TMEFF2: variants seen among roughly 807,000 people sequenced by gnomAD.
The protein encoded by TMEFF2 is tomoregulin-2.
In TMEFF2, 28 loss-of-function variants were observed where a neutral mutation model predicts 53.8. The observed-to-expected ratio is 0.52, with a 90% CI of 0.39 to 0.71. TMEFF2 has a LOEUF of 0.71. Among genes scored for constraint, TMEFF2 ranks in the 30% least tolerant of loss-of-function variants. The pLI is 0.00. For missense variants in TMEFF2, 353 were observed against 455.2 expected, an observed-to-expected ratio of 0.78 and a Z score of 2.04; for synonymous variants, 162 against 166.3, an observed-to-expected ratio of 0.97 and a Z score of 0.20.
intron 4 of TMEFF2, chr2:192,178,609 G>A (rs1368796286): frequency 1.3e-5 from 2 of 150,940 alleles, no homozygotes; most frequent in African/African-American, 4.8e-5. Flanking sequence ...CTCTAATTAT[G>A]TTCTGTGGGT....
intron 3 of TMEFF2, among the ~76,000 whole-genome samples, chr2:192,181,398 T>C (rs1691180969): frequency 6.6e-6 from 1 of 151,824 alleles, no homozygotes; most frequent in Admixed American, 6.6e-5. Flanking sequence ...TATAAACTTC[T>C]TTAAGTCAAG....
At chr2:192,187,011 G>A (rs1162862762) in intron 2 of TMEFF2, among the ~76,000 whole-genome samples, 1 of 152,140 alleles carries the variant, frequency 6.6e-6, no homozygotes, top group African/African-American at 2.4e-5. Flanking sequence ...AGCCAAAAGG[G>A]AGATTTCTAC....
chr2:192,078,492 C>G (rs1688483291), intron 4 of TMEFF2, among the ~76,000 whole-genome samples: 1 of 152,076 alleles, frequency 6.6e-6, no homozygotes, highest in African/African-American at 2.4e-5. Context: ...ATCTGGACAG[C>G]AATAGAGAGT....
At chr2:192,139,465 G>A (rs771263715) in intron 4 of TMEFF2, among the ~76,000 whole-genome samples, 52 of 152,270 alleles carry the variant, frequency 3.4e-4, no homozygotes, top group Non-Finnish European at 6.8e-4. Context: ...AATGAATGTA[G>A]CAGTCCAAAC....
chr2:192,004,679 C>T (rs1686456455), intron 5 of TMEFF2, among the ~76,000 whole-genome samples: 1 of 152,128 alleles, frequency 6.6e-6, no homozygotes, highest in South Asian at 2.1e-4. Context: ...TAGCAATTAT[C>T]ATATAATGTA....
chr2:192,011,562 T>C (rs774681349), intron 5 of TMEFF2, among the ~76,000 whole-genome samples: 30 of 152,264 alleles, frequency 2.0e-4, no homozygotes, highest in Non-Finnish European at 3.7e-4. Context: ...AAATGTAGAC[T>C]TTTCTTTCAA....
At chr2:191,985,094 A>C (rs147308754) in intron 7 of TMEFF2, among the ~76,000 whole-genome samples, 238 of 152,248 alleles carry the variant, frequency 1.6e-3, no homozygotes, top group African/African-American at 5.4e-3. Flanking sequence ...AAAAACACTT[A>C]GAATGAGGCA....
intron 4 of TMEFF2, among the ~76,000 whole-genome samples, chr2:192,159,503 A>G (rs759431735): frequency 3.9e-5 from 6 of 152,176 alleles, no homozygotes; most frequent in Non-Finnish European, 8.8e-5. Flanking sequence ...CCAAAAGAAT[A>G]GCATGAAACT....
At chr2:191,971,481 C>T (rs1692637145) in intron 7 of TMEFF2, among the ~76,000 whole-genome samples, 1 of 152,144 alleles carries the variant, frequency 6.6e-6, no homozygotes, top group East Asian at 1.9e-4. Flanking sequence ...CGAAATATGA[C>T]ATTGATAAAT....
chr2:192,070,393 C>G lies in TMEFF2; in HGVS notation c.440-12618G>C, dbSNP rs1362955315. ...TAAGATTATGCCTCAGTTTAGAAGC[C>G]AATGAGGTATTTCTAATAACTATGA... is the stretch of plus-strand genomic sequence containing the variant. On this transcript the variant is annotated intron_variant, in intron 4 of 9. Transcript: ENST00000272771. 3.3e-5 allele frequency among the ~76,000 whole-genome samples: 5 copies of G among 151,570 alleles called. No homozygotes were observed. The East Asian group carries it at 9.7e-4, about 29-fold the overall frequency.
intron 4 of TMEFF2, among the ~76,000 whole-genome samples, chr2:192,080,379 C>G (rs987503003): frequency 3.3e-5 from 5 of 152,188 alleles, no homozygotes; most frequent in Admixed American, 1.3e-4. Context: ...TCCCGCTTTG[C>G]TGAGCACTTC....
At chr2:192,126,209 T>A (rs1050812276) in intron 4 of TMEFF2, among the ~76,000 whole-genome samples, 3 of 152,194 alleles carry the variant, frequency 2.0e-5, no homozygotes, top group Non-Finnish European at 4.4e-5. Flanking sequence ...TATTTTAAAA[T>A]CTTTGCTCAT....
intron 4 of TMEFF2, among the ~76,000 whole-genome samples, chr2:192,129,149 G>GA (rs1559138422): frequency 6.6e-6 from 1 of 152,098 alleles, no homozygotes; most frequent in Admixed American, 6.5e-5. Context: ...GCCCAAGGCT[G>GA]AAAAAATGAC....
At chr2:192,057,588 C>A in intron 5 of TMEFF2, 91 bp downstream of exon 5, 1 of 1,114,504 alleles carries the variant, frequency 9.0e-7, no homozygotes, top group Non-Finnish European at 1.4e-6. Flanking sequence ...AAAATGCAGA[C>A]AATGTCTTCT....
intron 4 of TMEFF2, among the ~76,000 whole-genome samples, chr2:192,069,964 A>G (rs1236288906): frequency 6.0e-4 from 52 of 86,608 alleles, no homozygotes; most frequent in Non-Finnish European, 8.4e-4. Context: ...ATTTAGAAAA[A>G]TGTGTGTGTG....
chr2:192,121,981 C>G (rs1689564519), intron 4 of TMEFF2, among the ~76,000 whole-genome samples: 2 of 152,038 alleles, frequency 1.3e-5, no homozygotes, highest in Non-Finnish European at 1.5e-5. Context: ...TGTTCTATAG[C>G]ATAATAGAGT....
chr2:192,128,378 T>C (rs1376196590), intron 4 of TMEFF2, among the ~76,000 whole-genome samples: 1 of 152,256 alleles, frequency 6.6e-6, no homozygotes, highest in African/African-American at 2.4e-5. Flanking sequence ...AATAAGTCAC[T>C]GTAGCCTTCA....
chr2:192,139,792 T>A (rs183624893), intron 4 of TMEFF2, among the ~76,000 whole-genome samples: 138 of 152,290 alleles, frequency 9.1e-4, no homozygotes, highest in African/African-American at 3.3e-3. Context: ...TGCTGCTCCC[T>A]TTAACTATGA....
chr2:192,138,095 A>T (rs1445351075), intron 4 of TMEFF2, among the ~76,000 whole-genome samples: 2 of 152,222 alleles, frequency 1.3e-5, no homozygotes, highest in Non-Finnish European at 2.9e-5. Context: ...CTGGGATTAC[A>T]GGCATGAGCC....
Sources: gnomAD v4.1 joint callset for allele counts (sites outside exome capture counted in the v4.1 genomes callset) on GRCh38, gnomAD v4.1.1 for gene constraint, MANE v1.5 for transcripts, NCBI Gene and HGNC (gene_info 2026-07-23, HGNC 2026-07-21) for gene names.